Variants in GRM6 observed in about 807,000 individuals in gnomAD.
GRM6 encodes the protein glutamate metabotropic receptor 6, also known as metabotropic glutamate receptor 6.
Under a neutral mutation model 78.4 loss-of-function variants are expected in GRM6, and 73 were observed. The ratio of observed to expected loss-of-function variants is 0.93; its 90% confidence interval spans 0.77 to 1.13. GRM6 has a LOEUF of 1.13. GRM6 is among the 50% of genes most tolerant of loss of function. The pLI is 0.00. For missense variants in GRM6, 1,251 were observed against 1,256.4 expected, an observed-to-expected ratio of 1.00 and a Z score of 0.07; for synonymous variants, 580 against 555.0, an observed-to-expected ratio of 1.05 and a Z score of -0.63.
At chr5:178,995,140 G>A (rs1760752091) in intron 1 of GRM6, 136 bp downstream of exon 1, 1 of 224,398 alleles carries the variant, frequency 4.5e-6, no homozygotes, top group Non-Finnish European at 8.3e-6. Flanking sequence ...TCTTACAAGC[G>A]CCGAACCCTG....
intron 9 of GRM6, among the ~76,000 whole-genome samples, chr5:178,984,787 G>T (rs79615824): frequency 6.6e-6 from 1 of 152,090 alleles, no homozygotes; most frequent in Admixed American, 6.5e-5. Flanking sequence ...TGTGTGGAAC[G>T]AATAGAGAAG....
In GRM6 at chr5:178,994,430, G is replaced by A. The variant is rs1408471365; in HGVS notation, c.504+11C>T. ...GACGCTGGACACCGAGCCCGGCCCC[G>A]CGGCCCTCACCGCAAACAGGCGCAG... On this transcript the variant is annotated intron_variant, in intron 2 of 10. Coordinates refer to ENST00000517717, the MANE Select transcript of GRM6 (RefSeq NM_000843.4). 1 of 1,491,284 alleles carries A rather than the reference G, an allele frequency of 6.7e-7. No individual in the cohort carries two copies. The highest frequency in any genetic ancestry group is 1.3e-5 in the South Asian group (1 of 79,778). The allele number at this position is 1,491,284 out of a possible 1,614,324, so 92.4% of individuals were successfully genotyped here. A position where few individuals can be genotyped will look rare whatever the true frequency, so the allele number is the denominator to read the frequency against.
At chr5:178,985,492 A>G (rs1191003950) in intron 9 of GRM6, 7 of 343,834 alleles carry the variant, frequency 2.0e-5, no homozygotes, top group Admixed American at 2.0e-4. Context: ...TCACGAGGTC[A>G]GGAGATCGAG....
Position 178,983,221 on chromosome 5 carries a change from C to T in GRM6, c.2125G>A (p.Val709Met), listed in dbSNP as rs769253386. Residue 709 changes from valine (V) to methionine (M), a missense_variant and splice_region_variant, in exon 10 of 11, where the codon GTG becomes ATG. Coordinates refer to ENST00000517717, the MANE Select transcript of GRM6 (RefSeq NM_000843.4). ...VITFSLTSLQ[V>M]VGMIAWLGAR... ...CCCAGCCATGCTATCATCCCCACCA[C>T]CTGCAGGAGCCAACACTGCATCAGA... 1.2e-6 allele frequency: 2 copies of T among 1,610,546 alleles called. No individual in the cohort carries two copies.
chr5:178,986,349 G>A lies in GRM6; in HGVS notation c.1905C>T (p.Tyr635=), dbSNP rs200430682. 2.2e-4 allele frequency: 362 copies of A among 1,614,114 alleles called. No individual in the cohort carries two copies. Among genetic ancestry groups the A allele is most frequent in the East Asian group, 5.3e-4 (24 of 44,874 alleles). ...YVLLTGIFLI[Y]AITFLMVAEP... ...CAGCCACCATGAGGAAGGTGATGGC[G>A]TAGATGAGGAAGATGCCGGTGAGGA... The change falls in exon 9 of 11, where the codon TAC becomes TAT. Residue 635 remains tyrosine, a synonymous_variant. Coordinates refer to ENST00000517717, the MANE Select transcript of GRM6 (RefSeq NM_000843.4).
intron 10 of GRM6, chr5:178,982,697 A>AG (rs1554113168): frequency 5.5e-6 from 2 of 366,770 alleles, no homozygotes; most frequent in East Asian, 8.2e-5. Context: ...AATGATAAAA[A>AG]AAAAAAAGAA....
rs553733886 is a variant in GRM6, at chr5:178,979,558, A to T, written c.*2099T>A. 2.2e-4 allele frequency: 34 copies of T among 152,320 alleles called. No individual in the cohort carries two copies. Among genetic ancestry groups the T allele is most frequent in the African/African-American group, 7.9e-4 (33 of 41,574 alleles). 9.4% of individuals were successfully genotyped at this position (152,320 alleles called of 1,614,324 possible). ...CAGGCATGAACATGGCAGAGTGTGAAAGTCGTCTGCGGGAAGCCAGGACTC... is the reference window on the plus strand; with the variant it reads ...CAGGCATGAACATGGCAGAGTGTGATAGTCGTCTGCGGGAAGCCAGGACTC... On this transcript the variant is annotated 3_prime_UTR_variant, in exon 11 of 11. Transcript: ENST00000517717.
chr5:178,986,716 A>G lies in GRM6; in HGVS notation c.1538T>C (p.Val513Ala). The part of the protein sequence containing the change: ...ALQWSGDPHE[V>A]PSSLCSLPCG... Reference sequence around the variant, plus strand: ...GGGCAGGCTGCACAGAGACGAGGGCACCTCGTGGGGGTCGCCAGACCACTG... The same window carrying G: ...GGGCAGGCTGCACAGAGACGAGGGCGCCTCGTGGGGGTCGCCAGACCACTG... The change falls in exon 9 of 11, where the codon GTG (valine) becomes GCG (alanine). Residue 513 changes from valine (V) to alanine (A), a missense_variant. Val to Ala is a moderately conservative substitution (Grantham distance 64, BLOSUM62 0). Transcript: ENST00000517717. 6.2e-7 allele frequency: 1 copy of G among 1,604,822 alleles called. No individual in the cohort carries two copies. The highest frequency in any genetic ancestry group is 8.5e-7 in the Non-Finnish European group (1 of 1,179,202).
Position 178,981,044 on chromosome 5 carries a change from C to A in GRM6, c.*613G>T. 6.4e-6 allele frequency: 1 copy of A among 155,050 alleles called. No homozygotes were observed. The highest frequency in any genetic ancestry group is 1.4e-5 in the Non-Finnish European group (1 of 70,044). The allele number at this position is 155,050 out of a possible 1,614,324, so 9.6% of individuals were successfully genotyped here. On this transcript the variant is annotated 3_prime_UTR_variant, in exon 11 of 11. Transcript: ENST00000517717. This position sits in a 1 kb window ranked among gnomAD's most constrained non-coding sequence, Gnocchi z 5.1. ...GGGGAAAGCCCATGGCATTGGGAAT[C>A]TCATGGGGGCGCACCCCAGTTCCTC...
At position 178,991,668 on chromosome 5, in the gene GRM6, A is replaced by G; in HGVS notation, c.722-109T>C. The G allele has an allele frequency of 7.3e-7, 1 of 1,367,500 alleles. No individual in the cohort carries two copies. The highest frequency in any genetic ancestry group is 1.0e-6 in the Non-Finnish European group (1 of 960,310). 84.7% of individuals were successfully genotyped at this position (1,367,500 alleles called of 1,614,324 possible). ...CTGGCTGAAGGGTCTGCAGGGGTGA[A>G]GTCTGGCCTGCACCCTCCGCCAAGC... On this transcript the variant is annotated intron_variant, in intron 3 of 10. Transcript: ENST00000517717. This position sits in a 1 kb window ranked among gnomAD's most constrained non-coding sequence, Gnocchi z 5.0.
At chr5:178,987,980 G>A (rs1760601525) in intron 7 of GRM6, among the ~76,000 whole-genome samples, 1 of 151,076 alleles carries the variant, frequency 6.6e-6, no homozygotes, top group African/African-American at 2.4e-5. Flanking sequence ...GGCTGGTCTC[G>A]AACTCCTGAC....
chr5:178,994,581 C>CGCCGCG lies in GRM6; in HGVS notation c.358_363dup (p.Arg120_Gly121dup). 3.0e-6 allele frequency: 4 copies of CGCCGCG among 1,336,460 alleles called. No homozygotes were observed. The highest frequency in any genetic ancestry group is 3.8e-6 in the Non-Finnish European group (4 of 1,048,036). 82.8% of individuals were successfully genotyped at this position (1,336,460 alleles called of 1,614,324 possible). On this transcript the variant is annotated inframe_insertion, in exon 2 of 11. Transcript: ENST00000517717. ...CAGCGCACGCCCACCTCGTCGCCGTCGCCGCGGCCGCGGATCAGCGCCTGC... is the reference window on the plus strand; with the variant it reads ...CAGCGCACGCCCACCTCGTCGCCGTCGCCGCGGCCGCGGCCGCGGATCAGCGCCTGC...
intron 9 of GRM6, chr5:178,985,703 A>ACAAC (rs1760522345): frequency 2.6e-6 from 1 of 389,818 alleles, no homozygotes; most frequent in South Asian, 1.9e-5. Context: ...ACTCTGTCTA[A>ACAAC]AAAAAAAAAA....
In GRM6 at chr5:178,983,097, G is replaced by T; in HGVS notation, c.2249C>A (p.Ser750Tyr). The change falls in exon 10 of 11, where the codon TCT becomes TAT. Residue 750 changes from serine (S) to tyrosine (Y), a missense_variant. Physicochemically the swap from Ser to Tyr is moderately radical, Grantham distance 144. Coordinates refer to ENST00000517717, the MANE Select transcript of GRM6 (RefSeq NM_000843.4). ...GVLKCDMSDL[S>Y]LIGCLGYSLL... ...GCTGTAGCCCAGGCAGCCGATGAGA[G>T]ACAGATCCGACATGTCGCACTTGAG... is the stretch of plus-strand genomic sequence containing the variant. 6.2e-7 allele frequency: 1 copy of T among 1,614,062 alleles called. No homozygotes were observed. Among genetic ancestry groups the T allele is most frequent in the Non-Finnish European group, 8.5e-7 (1 of 1,179,978 alleles).
intron 5 of GRM6, chr5:178,990,069 C>T: frequency 5.0e-6 from 1 of 200,004 alleles, no homozygotes; most frequent in East Asian, 1.2e-4. Context: ...AGCCAGGGCT[C>T]AGCCTTTCCA....
At chr5:178,984,491 G>C (rs148913613) in intron 9 of GRM6, among the ~76,000 whole-genome samples, 5 of 152,186 alleles carry the variant, frequency 3.3e-5, no homozygotes, top group African/African-American at 1.2e-4. Flanking sequence ...TTGCAGGCTT[G>C]TGTGTTTTTA....
At chr5:178,989,486 C>A in intron 5 of GRM6, 81 bp from the exon 6 acceptor site, 1 of 1,580,322 alleles carries the variant, frequency 6.3e-7, no homozygotes, top group Non-Finnish European at 8.7e-7. Context: ...CACTTGCTCA[C>A]TTTCAGCTAG....
rs776061088 is a variant in GRM6, at chr5:178,989,250, C to CTGGGCAGCT, written c.1153+6_1153+14dup. The CTGGGCAGCT allele has an allele frequency of 6.3e-7, 1 of 1,580,074 alleles. No homozygotes were observed. Among genetic ancestry groups the CTGGGCAGCT allele is most frequent in the Admixed American group, 1.7e-5 (1 of 59,536 alleles). On this transcript the variant is annotated intron_variant, in intron 6 of 10. Coordinates refer to ENST00000517717, the MANE Select transcript of GRM6 (RefSeq NM_000843.4). Reference sequence around the variant, plus strand: ...CCCCACCCTCCCCACCCTCACCACCCTGGGCAGCTCTCACCTGTGCATTTG... The same window carrying CTGGGCAGCT: ...CCCCACCCTCCCCACCCTCACCACCCTGGGCAGCTTGGGCAGCTCTCACCTGTGCATTTG...
chr5:178,986,383 C>T lies in GRM6; in HGVS notation c.1871G>A (p.Ser624Asn), dbSNP rs372016925. The change falls in exon 9 of 11, where the codon AGC becomes AAC. Residue 624 changes from serine (S) to asparagine (N), a missense_variant. Transcript: ENST00000517717. Reference sequence around the variant, plus strand: ...GAAGATGCCGGTGAGGAGGACGTAGCTGAGCTCTCGGCCCGAGGCCCGGAC... The same window carrying T: ...GAAGATGCCGGTGAGGAGGACGTAGTTGAGCTCTCGGCCCGAGGCCCGGAC... ...PIVRASGREL[S>N]YVLLTGIFLI... 6.3e-5 allele frequency: 101 copies of T among 1,613,894 alleles called. No individual in the cohort carries two copies. The highest frequency in any genetic ancestry group is 8.2e-5 in the Non-Finnish European group (97 of 1,180,036).
Sources: allele counts gnomAD v4.1 joint callset (sites outside exome capture counted in the v4.1 genomes callset), GRCh38; gene constraint gnomAD v4.1.1; non-coding constraint Gnocchi (gnomAD v3.1); transcripts MANE v1.5; gene names NCBI Gene and HGNC (gene_info 2026-07-23, HGNC 2026-07-21).